The following IFT122 variants were observed in gnomAD, a reference collection of about 807,000 sequenced individuals.
IFT122 encodes intraflagellar transport protein 122 homolog.
A neutral mutation model predicts 161.6 loss-of-function variants in IFT122; 118 were observed. The observed-to-expected ratio is 0.73, with a 90% CI of 0.63 to 0.85. The LOEUF (loss-of-function observed/expected upper bound fraction) is 0.85. IFT122 is among the 40% of genes least tolerant of loss of function. The pLI, the probability that IFT122 is intolerant of heterozygous loss-of-function variation, is 0.00. For missense variants in IFT122, 1,381 were observed against 1,579.6 expected (o/e 0.87, Z 2.13); for synonymous variants, 550 against 602.4 (o/e 0.91, Z 1.27).
chr3:129,481,783 C>T lies in IFT122; in HGVS notation c.1653+89C>T, dbSNP rs2108330740. The T allele has an allele frequency of 2.1e-6, 3 of 1,426,302 alleles. No homozygotes were observed. In the East Asian group the frequency reaches 7.0e-5, roughly 33 times the overall value. The allele number at this position is 1,426,302 out of a possible 1,614,324, so 88.4% of individuals were successfully genotyped here. ...AGTCCCTGCAGGAGGCTCTCCTGCT[C>T]TGGCCCAGGCAGGTCTCTGGGAGGG... is the stretch of plus-strand genomic sequence containing the variant. On this transcript the variant is annotated intron_variant, in intron 14 of 29. Transcript: ENST00000348417.
intron 2 of IFT122, among the ~76,000 whole-genome samples, chr3:129,450,647 CT>C (rs1413877404): frequency 2.0e-5 from 3 of 149,162 alleles, no homozygotes; most frequent in Non-Finnish European, 4.4e-5. Context: ...CATAGGTTAT[CT>C]TTTCCAATAC....
At chr3:129,441,199 A>G (rs529102293) in intron 1 of IFT122, among the ~76,000 whole-genome samples, 1 of 152,318 alleles carries the variant, frequency 6.6e-6, no homozygotes, top group Non-Finnish European at 1.5e-5. Context: ...AAAATCATTC[A>G]GCATTGTTGT....
At chr3:129,488,601 G>C (rs555990954) in intron 16 of IFT122, among the ~76,000 whole-genome samples, 4 of 152,188 alleles carry the variant, frequency 2.6e-5, no homozygotes, top group Middle Eastern at 3.4e-3. Context: ...ATAGACGTAG[G>C]ATGATGACAG....
At chr3:129,453,024 C>G (rs2075037292) in intron 3 of IFT122, among the ~76,000 whole-genome samples, 1 of 151,940 alleles carries the variant, frequency 6.6e-6, no homozygotes, top group Admixed American at 6.6e-5. Context: ...GCCCCCCCCA[C>G]TGAGATGGAA....
intron 4 of IFT122, chr3:129,460,984 G>A (rs146653997): frequency 1.2e-5 from 19 of 1,535,440 alleles, no homozygotes; most frequent in African/African-American, 1.4e-5. Context: ...GAGGCCAAGC[G>A]TTCAAAACCA....
intron 5 of IFT122, among the ~76,000 whole-genome samples, chr3:129,462,329 T>C (rs887202491): frequency 7.2e-5 from 11 of 152,244 alleles, no homozygotes; most frequent in African/African-American, 2.4e-4. Context: ...CTAGTATTTA[T>C]TGAATGCTTG....
chr3:129,473,951 G>A (rs768298529), intron 9 of IFT122, among the ~76,000 whole-genome samples: 2 of 152,174 alleles, frequency 1.3e-5, no homozygotes, highest in Admixed American at 6.5e-5. Context: ...AGATTGGTCC[G>A]ATGGGAACTA....
At chr3:129,510,783 G>T (rs1212926790) in intron 23 of IFT122, among the ~76,000 whole-genome samples, 1 of 152,148 alleles carries the variant, frequency 6.6e-6, no homozygotes, top group African/African-American at 2.4e-5. Flanking sequence ...CTTATTAATT[G>T]GGCCATTCCT....
Position 129,466,801 on chromosome 3 carries a change from C to T in IFT122, c.564-89C>T, listed in dbSNP as rs866852344. 265 of 1,299,988 alleles carry T rather than the reference C, an allele frequency of 2.0e-4. 2 individuals carry two copies. The Middle Eastern group carries it at 7.1e-3, about 35-fold the overall frequency. The allele number at this position is 1,299,988 out of a possible 1,614,324, so 80.5% of individuals were successfully genotyped here. On this transcript the variant is annotated intron_variant, in intron 7 of 29. Transcript: ENST00000348417. ...TACAGGCGTGAGTCACTGCACCTGG[C>T]CCCCAGGGGCTCCTTGCCAGGATTT...
chr3:129,456,147 A>C, intron 3 of IFT122: 1 of 768,496 alleles, frequency 1.3e-6, no homozygotes, highest in South Asian at 1.4e-5. Context: ...TGTTTGGGTC[A>C]TGCAGCTGGT....
chr3:129,498,661 G>A (rs2081181010), intron 18 of IFT122, among the ~76,000 whole-genome samples: 1 of 152,176 alleles, frequency 6.6e-6, no homozygotes, highest in African/African-American at 2.4e-5. Context: ...GGAAAAAAGC[G>A]AGCTAATTGT....
chr3:129,459,794 G>T, intron 4 of IFT122, among the ~76,000 whole-genome samples: 1 of 139,940 alleles, frequency 7.1e-6, no homozygotes, highest in Non-Finnish European at 1.5e-5. Context: ...GTCTTGCTCT[G>T]TCTCCCAGGC....
intron 26 of IFT122, among the ~76,000 whole-genome samples, chr3:129,517,104 G>C (rs1161707336): frequency 1.1e-3 from 58 of 53,974 alleles, no homozygotes; most frequent in Non-Finnish European, 1.3e-3. Context: ...CCTGCACACA[G>C]ACACACAGAG....
intron 29 of IFT122, 64 bp downstream of exon 29, chr3:129,519,796 C>T: frequency 1.3e-6 from 2 of 1,594,762 alleles, no homozygotes; most frequent in Non-Finnish European, 1.7e-6. Context: ...GCCCAAATGT[C>T]CCTCTGGGAG....
Position 129,519,142 on chromosome 3 carries a change from T to TC in IFT122, c.3429dup (p.Ile1144HisfsTer4), listed in dbSNP as rs777145517. On this transcript the variant is annotated frameshift_variant, in exon 28 of 30. Transcript: ENST00000348417. LOFTEE classifies it high-confidence loss of function. Reference sequence around the variant, plus strand: ...TCTGCGGCTAGTGGAGACCAAGGACTCCATCGGAGATGAGGACCCGTTCAC... The same window carrying TC: ...TCTGCGGCTAGTGGAGACCAAGGACTCCCATCGGAGATGAGGACCCGTTCAC... 10 of 1,614,100 alleles carry TC rather than the reference T, an allele frequency of 6.2e-6. No homozygotes were observed. The highest frequency in any genetic ancestry group is 8.5e-6 in the Non-Finnish European group (10 of 1,180,004).
At chr3:129,446,277 T>C (rs528673849) in intron 1 of IFT122, among the ~76,000 whole-genome samples, 1 of 150,688 alleles carries the variant, frequency 6.6e-6, no homozygotes, top group Admixed American at 6.6e-5. Flanking sequence ...CAGGCTGGAG[T>C]GTAGTGGCGC....
chr3:129,458,418 C>T (rs2075787530), intron 3 of IFT122, among the ~76,000 whole-genome samples, 181 bp from the exon 4 acceptor site: 1 of 152,176 alleles, frequency 6.6e-6, no homozygotes, highest in African/African-American at 2.4e-5. Context: ...CAGTGTCAGA[C>T]AAAGCAGGTT....
chr3:129,502,283 G>A (rs982382685), intron 19 of IFT122, among the ~76,000 whole-genome samples: 1 of 152,140 alleles, frequency 6.6e-6, no homozygotes, highest in Non-Finnish European at 1.5e-5. Flanking sequence ...AAAGAGTGCT[G>A]GGCCCAGTCT....
At chr3:129,447,489 G>A (rs2074157747) in intron 1 of IFT122, among the ~76,000 whole-genome samples, 1 of 152,128 alleles carries the variant, frequency 6.6e-6, no homozygotes, top group African/African-American at 2.4e-5. Context: ...TCGGGTACTA[G>A]GCTTCAGAAA....
Sources: gnomAD v4.1 joint callset for allele counts (sites outside exome capture counted in the v4.1 genomes callset) on GRCh38, gnomAD v4.1.1 for gene constraint, MANE v1.5 for transcripts, NCBI Gene and HGNC (gene_info 2026-07-23, HGNC 2026-07-21) for gene names.